The following ROBO2 variants were observed in gnomAD, a reference collection of about 807,000 sequenced individuals.
The protein encoded by ROBO2 is roundabout homolog 2.
Under a neutral mutation model 160.8 loss-of-function variants are expected in ROBO2, and 53 were observed. That is an observed-to-expected ratio of 0.33 (90% confidence interval 0.26 to 0.41). The LOEUF (loss-of-function observed/expected upper bound fraction) is 0.41, where lower values mean the gene tolerates loss of function less well. ROBO2 is among the 10% of genes least tolerant of loss of function. The pLI, the probability that ROBO2 is intolerant of heterozygous loss-of-function variation, is 1.00. For missense variants in ROBO2, 1,577 were observed against 1,722.4 expected (o/e 0.92, Z 1.49); for synonymous variants, 664 against 611.7 (o/e 1.09, Z -1.26).
At chr3:76,754,308 G>A (rs1376125872) in intron 2 of ROBO2, among the ~76,000 whole-genome samples, 1 of 151,898 alleles carries the variant, frequency 6.6e-6, no homozygotes, top group Non-Finnish European at 1.5e-5. Flanking sequence ...TACTTTGAAA[G>A]ACACGAAATA....
At chr3:76,438,853 G>A (rs1291436211) in intron 2 of ROBO2, among the ~76,000 whole-genome samples, 5 of 151,698 alleles carry the variant, frequency 3.3e-5, no homozygotes, top group South Asian at 2.1e-4. Flanking sequence ...TAAAACATAC[G>A]AGATTTTGAG....
chr3:77,341,970 T>A (rs564695309), intron 2 of ROBO2, among the ~76,000 whole-genome samples: 1 of 152,268 alleles, frequency 6.6e-6, no homozygotes, highest in Non-Finnish European at 1.5e-5. Flanking sequence ...CTTGGAATAT[T>A]GCAAGAGAGA....
intron 2 of ROBO2, among the ~76,000 whole-genome samples, chr3:77,317,841 A>AGGGGGCTGCTGGGGGGCTGCTGG (rs1553906233): frequency 7.6e-4 from 7 of 9,178 alleles, no homozygotes; most frequent in Non-Finnish European, 1.0e-3. Flanking sequence ...GGGGGCTGCT[A>AGGGGGCTGCTGGGGGGCTGCTGG]GGGGGCTGCT....
At position 76,903,173 on chromosome 3, in the gene ROBO2, A is replaced by G. The variant is rs112633482; in HGVS notation, c.110-194841A>G. Among the ~76,000 whole-genome samples the G allele has an allele frequency of 9.2e-3, 1,397 of 152,240 alleles. 19 individuals carry two copies. Among genetic ancestry groups the G allele is most frequent in the African/African-American group, 0.032 (1,326 of 41,560 alleles). ...GAACTAACTTTGCATTCTCAAAATA[A>G]ACCCTAAGTGGTTTTATCATTTTAT... On this transcript the variant is annotated intron_variant, in intron 2 of 26. Coordinates refer to the ROBO2 transcript ENST00000487694.
At chr3:76,655,328 A>T (rs1358884820) in intron 2 of ROBO2, among the ~76,000 whole-genome samples, 1 of 150,196 alleles carries the variant, frequency 6.7e-6, no homozygotes, top group African/African-American at 2.4e-5. Flanking sequence ...TACAAAGTTT[A>T]ATGAAAAATA....
chr3:77,113,503 T>G (rs557173986), intron 2 of ROBO2, among the ~76,000 whole-genome samples: 1 of 152,346 alleles, frequency 6.6e-6, no homozygotes, highest in South Asian at 2.1e-4. Flanking sequence ...CTCAATGTGC[T>G]TTGTCTTTTC....
At chr3:76,650,546 T>C (rs2091209036) in intron 2 of ROBO2, among the ~76,000 whole-genome samples, 1 of 152,022 alleles carries the variant, frequency 6.6e-6, no homozygotes, top group Non-Finnish European at 1.5e-5. Flanking sequence ...CTTACTGAAG[T>C]GATTCTAAGC....
intron 2 of ROBO2, among the ~76,000 whole-genome samples, chr3:77,223,592 T>G (rs919112334): frequency 2.6e-5 from 4 of 152,090 alleles, no homozygotes; most frequent in African/African-American, 9.7e-5. Context: ...CTCCTATAGA[T>G]TCATAATTGA....
At chr3:76,220,322 T>TATA (rs766595212) in intron 2 of ROBO2, among the ~76,000 whole-genome samples, 12 of 151,128 alleles carry the variant, frequency 7.9e-5, no homozygotes, top group East Asian at 1.9e-4. Context: ...AAACTTAAAG[T>TATA]ATAATAATAA....
intron 2 of ROBO2, among the ~76,000 whole-genome samples, chr3:77,112,552 T>C (rs1402371738): frequency 1.3e-5 from 2 of 151,766 alleles, no homozygotes; most frequent in African/African-American, 4.8e-5. Flanking sequence ...CCGAGAAAGA[T>C]CAAGGATTTA....
chr3:77,464,952 T>C (rs2082619524), intron 2 of ROBO2, among the ~76,000 whole-genome samples: 1 of 152,226 alleles, frequency 6.6e-6, no homozygotes, highest in Admixed American at 6.5e-5. Flanking sequence ...TTACTGAATC[T>C]GTATATAACA....
intron 2 of ROBO2, chr3:77,317,250 C>G: frequency 1.3e-6 from 1 of 781,300 alleles, no homozygotes; most frequent in Middle Eastern, 2.3e-4. Context: ...TGTGCTCCCA[C>G]TTGCACCCTG....
At chr3:77,195,071 G>A (rs1464567490) in intron 2 of ROBO2, among the ~76,000 whole-genome samples, 1 of 152,070 alleles carries the variant, frequency 6.6e-6, no homozygotes, top group Non-Finnish European at 1.5e-5. Flanking sequence ...GAGAAATGTG[G>A]TGTTGCTTCC....
chr3:77,417,177 C>A (rs1424957784), intron 2 of ROBO2, among the ~76,000 whole-genome samples: 1 of 151,188 alleles, frequency 6.6e-6, no homozygotes, highest in African/African-American at 2.4e-5. Context: ...TTCATTACAT[C>A]CCTAGCAAAA....
intron 2 of ROBO2, among the ~76,000 whole-genome samples, chr3:76,162,186 G>A (rs2072666589): frequency 6.6e-6 from 1 of 152,190 alleles, no homozygotes; most frequent in Non-Finnish European, 1.5e-5. Context: ...TGGACATGGA[G>A]ATGACCAATG....
chr3:76,849,268 G>T (rs2069089827), intron 2 of ROBO2, among the ~76,000 whole-genome samples: 1 of 152,112 alleles, frequency 6.6e-6, no homozygotes, highest in Non-Finnish European at 1.5e-5. Context: ...CACTTAGGGG[G>T]TATTCAGTAA....
intron 2 of ROBO2, among the ~76,000 whole-genome samples, chr3:76,924,668 T>G (rs1010360506): frequency 6.6e-6 from 1 of 152,164 alleles, no homozygotes; most frequent in Admixed American, 6.5e-5. Flanking sequence ...TATATCACAG[T>G]GCTTTGCACA....
At chr3:76,146,871 C>T (rs992970605) in intron 2 of ROBO2, among the ~76,000 whole-genome samples, 5 of 149,252 alleles carry the variant, frequency 3.4e-5, no homozygotes, top group Middle Eastern at 3.3e-3. Context: ...CCACCACACA[C>T]ACACTCACAC....
At chr3:77,334,922 A>G (rs564573127) in intron 2 of ROBO2, among the ~76,000 whole-genome samples, 2 of 152,264 alleles carry the variant, frequency 1.3e-5, no homozygotes, top group Non-Finnish European at 2.9e-5. Flanking sequence ...ATATTATTCC[A>G]TTTGACATTT....
Sources: allele counts gnomAD v4.1 joint callset (sites outside exome capture counted in the v4.1 genomes callset), GRCh38; gene constraint gnomAD v4.1.1; transcripts MANE v1.5; gene names NCBI Gene and HGNC (gene_info 2026-07-23, HGNC 2026-07-21).